Variants in ST6GALNAC5 observed in about 807,000 individuals in gnomAD.
ST6GALNAC5 encodes ST6 N-acetylgalactosaminide alpha-2,6-sialyltransferase 5.
A neutral mutation model predicts 33.6 loss-of-function variants in ST6GALNAC5; 27 were observed. The observed-to-expected ratio is 0.80, with a 90% confidence interval of 0.59 to 1.11. The LOEUF is 1.11. ST6GALNAC5 is among the 50% of genes least tolerant of loss of function. The probability of loss-of-function intolerance (pLI) is 0.00; values close to 1 mark genes in which losing one functional copy is unlikely to be tolerated. For missense variants in ST6GALNAC5, 428 were observed against 454.0 expected (o/e 0.94, Z 0.52); for synonymous variants, 194 against 171.2 (o/e 1.13, Z -1.04).
intron 2 of ST6GALNAC5, among the ~76,000 whole-genome samples, chr1:76,922,494 C>T (rs1368947656): frequency 6.6e-6 from 1 of 152,028 alleles, no homozygotes; most frequent in East Asian, 1.9e-4. Flanking sequence ...ATTTTTGGAG[C>T]TTATTCTAAA....
intron 2 of ST6GALNAC5, among the ~76,000 whole-genome samples, chr1:77,013,255 C>T (rs1428121516): frequency 6.6e-6 from 1 of 152,126 alleles, no homozygotes; most frequent in African/African-American, 2.4e-5. Flanking sequence ...AAGTCAGACT[C>T]TGTTTCTGAA....
At chr1:76,979,524 G>A (rs1649163180) in intron 2 of ST6GALNAC5, among the ~76,000 whole-genome samples, 1 of 152,118 alleles carries the variant, frequency 6.6e-6, no homozygotes, top group African/African-American at 2.4e-5. Context: ...CATACATTGG[G>A]GGAAAGAGCA....
chr1:76,953,297 A>C (rs752134085), intron 2 of ST6GALNAC5, among the ~76,000 whole-genome samples: 3 of 152,140 alleles, frequency 2.0e-5, no homozygotes, highest in Non-Finnish European at 4.4e-5. Flanking sequence ...TCCCACCATC[A>C]TGTATGAGAG....
intron 2 of ST6GALNAC5, among the ~76,000 whole-genome samples, chr1:76,943,220 A>T (rs1380886291): frequency 6.6e-6 from 1 of 152,144 alleles, no homozygotes; most frequent in Non-Finnish European, 1.5e-5. Flanking sequence ...ACAAGTGAAG[A>T]AACTGAGGTA....
chr1:76,937,375 G>A (rs1340741110), intron 2 of ST6GALNAC5, among the ~76,000 whole-genome samples: 1 of 151,930 alleles, frequency 6.6e-6, no homozygotes, highest in Non-Finnish European at 1.5e-5. Flanking sequence ...AGATGTGTAA[G>A]CATAACACTA....
chr1:76,904,395 A>G (rs1199164841), intron 2 of ST6GALNAC5, among the ~76,000 whole-genome samples: 1 of 152,226 alleles, frequency 6.6e-6, no homozygotes, highest in African/African-American at 2.4e-5. Context: ...AACACAGTTT[A>G]TTAGCCCCAA....
At chr1:76,953,592 T>C (rs1258318975) in intron 2 of ST6GALNAC5, among the ~76,000 whole-genome samples, 1 of 152,128 alleles carries the variant, frequency 6.6e-6, no homozygotes, top group African/African-American at 2.4e-5. Flanking sequence ...GTCAGATATA[T>C]GGTTTGCAAG....
intron 2 of ST6GALNAC5, among the ~76,000 whole-genome samples, chr1:76,979,397 T>C (rs1256886239): frequency 6.6e-6 from 1 of 152,056 alleles, no homozygotes; most frequent in African/African-American, 2.4e-5. Context: ...GCTATAGTAA[T>C]CAAAACAGCA....
chr1:76,944,329 T>C lies in ST6GALNAC5; in HGVS notation c.261+75587T>C, dbSNP rs1647436679. Among the ~76,000 whole-genome samples the C allele has an allele frequency of 2.6e-5, 4 of 152,124 alleles. No individual in the cohort carries two copies. The South Asian group carries it at 8.3e-4, about 31-fold the overall frequency. On this transcript the variant is annotated intron_variant, in intron 2 of 4. Transcript: ENST00000477717. ...AGATGACCTAGAGCCAAGAATGTGA[T>C]ATTCATTATGATACAGCATGAAAAA...
chr1:77,062,977 A>G lies in ST6GALNAC5; in HGVS notation c.782A>G (p.Asp261Gly). Residue 261 changes from aspartate to glycine, a missense_variant and splice_region_variant, in exon 5 of 5, where the codon GAT becomes GGT. Transcript: ENST00000477717. ...GTTATCTCAATTTCCTCCTACAGGGATCCCAATCACCCTTCAGTACCTTAT... is the reference window on the plus strand; with the variant it reads ...GTTATCTCAATTTCCTCCTACAGGGGTCCCAATCACCCTTCAGTACCTTAT... ...YGMVPPDFCR[D>G]PNHPSVPYHY... 4 of 1,611,980 alleles carry G rather than the reference A, an allele frequency of 2.5e-6. No homozygotes were observed. The highest frequency in any genetic ancestry group is 3.4e-6 in the Non-Finnish European group (4 of 1,178,280).
intron 2 of ST6GALNAC5, among the ~76,000 whole-genome samples, chr1:76,897,130 G>A (rs529713619): frequency 1.3e-4 from 19 of 141,114 alleles, no homozygotes; most frequent in Admixed American, 8.1e-4. Context: ...GGGGCTGCCT[G>A]TGAAGCTTTG....
intron 2 of ST6GALNAC5, among the ~76,000 whole-genome samples, chr1:76,870,284 G>A (rs896116941): frequency 4.6e-5 from 7 of 152,118 alleles, no homozygotes; most frequent in South Asian, 2.1e-4. Flanking sequence ...TGGCTGTGGT[G>A]TTTATGTGTA....
intron 2 of ST6GALNAC5, among the ~76,000 whole-genome samples, chr1:76,896,187 T>C (rs943780226): frequency 3.9e-5 from 6 of 152,224 alleles, no homozygotes; most frequent in Non-Finnish European, 8.8e-5. Context: ...GAAATGACTA[T>C]GGTGGCCTTC....
intron 2 of ST6GALNAC5, among the ~76,000 whole-genome samples, chr1:76,887,901 A>G (rs1653932192): frequency 6.6e-6 from 1 of 151,656 alleles, no homozygotes; most frequent in Non-Finnish European, 1.5e-5. Flanking sequence ...CTCTTTTATC[A>G]TAATCTCAAA....
At position 76,868,355 on chromosome 1, in the gene ST6GALNAC5, A is replaced by T; in HGVS notation, c.16-142A>T. ...TAGGGGACGGTGCTTTCTCTGTCCC[A>T]GTTGCGTGCGGCGGGGCTGGGGCCC... On this transcript the variant is annotated intron_variant, in intron 1 of 4. Transcript: ENST00000477717. This position sits in a 1 kb window ranked among gnomAD's most constrained non-coding sequence, Gnocchi z 4.3. 7.8e-7 allele frequency: 1 copy of T among 1,279,476 alleles called. No homozygotes were observed. The highest frequency in any genetic ancestry group is 1.0e-6 in the Non-Finnish European group (1 of 954,852). The allele number at this position is 1,279,476 out of a possible 1,614,324, so 79.3% of individuals were successfully genotyped here. A position where few individuals can be genotyped will look rare whatever the true frequency, so the allele number is the denominator to read the frequency against.
At chr1:76,968,498 G>A (rs1168986506) in intron 2 of ST6GALNAC5, among the ~76,000 whole-genome samples, 1 of 152,146 alleles carries the variant, frequency 6.6e-6, no homozygotes, top group Non-Finnish European at 1.5e-5. Flanking sequence ...TGGGTCTCCT[G>A]AATAGAGCAC....
At chr1:76,878,870 G>T (rs1294184519) in intron 2 of ST6GALNAC5, among the ~76,000 whole-genome samples, 1 of 152,148 alleles carries the variant, frequency 6.6e-6, no homozygotes, top group Non-Finnish European at 1.5e-5. Flanking sequence ...CTCTACATGA[G>T]TCAGGCTATT....
intron 2 of ST6GALNAC5, among the ~76,000 whole-genome samples, chr1:76,972,814 C>G (rs1557742983): frequency 2.0e-5 from 3 of 152,250 alleles, no homozygotes; most frequent in Middle Eastern, 3.4e-3. Context: ...TTATTTTTAC[C>G]TATCCTCACC....
chr1:76,936,953 G>GGCATGTGTGTGTGTGTGT (rs138095164), intron 2 of ST6GALNAC5, among the ~76,000 whole-genome samples: 1 of 139,946 alleles, frequency 7.1e-6, no homozygotes, highest in Non-Finnish European at 1.5e-5. Flanking sequence ...AGAGAAGCAG[G>GGCATGTGTGTGTGTGTGT]GTGTGTGTGT....
Sources: allele counts gnomAD v4.1 joint callset (sites outside exome capture counted in the v4.1 genomes callset), GRCh38; gene constraint gnomAD v4.1.1; non-coding constraint Gnocchi (gnomAD v3.1); transcripts MANE v1.5; gene names NCBI Gene and HGNC (gene_info 2026-07-23, HGNC 2026-07-21).